The following TMEM120B variants were observed in gnomAD, a reference collection of about 807,000 sequenced individuals.
TMEM120B encodes transmembrane protein 120B.
In TMEM120B, 31 loss-of-function variants were observed where a neutral mutation model predicts 55.5. That is an observed-to-expected ratio of 0.56 (90% confidence interval 0.42 to 0.75). The LOEUF (loss-of-function observed/expected upper bound fraction) is 0.75. TMEM120B is among the 30% of genes least tolerant of loss of function. The pLI, the probability that TMEM120B is intolerant of heterozygous loss-of-function variation, is 0.00. For missense variants in TMEM120B, 399 were observed against 425.5 expected (o/e 0.94, Z 0.55); for synonymous variants, 203 against 176.3 (o/e 1.15, Z -1.20).
rs887686504 is a variant in TMEM120B at position 121,779,173 on chromosome 12, A to T, written c.*3451A>T. 1 of 341,166 alleles carries T rather than the reference A, an allele frequency of 2.9e-6. No homozygotes were observed. Among genetic ancestry groups the T allele is most frequent in the African/African-American group, 2.1e-5 (1 of 48,486 alleles). 21.1% of individuals were successfully genotyped at this position (341,166 alleles called of 1,614,324 possible). A position where few individuals can be genotyped will look rare whatever the true frequency, so the allele number is the denominator to read the frequency against. On this transcript the variant is annotated 3_prime_UTR_variant, in exon 12 of 12. Transcript: ENST00000449592. ...TCTACGTTTACCCACTACCAGATAG[A>T]CTTTTTCATTTCAAGCATAACTTGA...
chr12:121,771,938 A>G (rs922982116), intron 8 of TMEM120B, among the ~76,000 whole-genome samples: 3 of 152,114 alleles, frequency 2.0e-5, no homozygotes, highest in African/African-American at 7.2e-5. Flanking sequence ...GGGGGCTTGA[A>G]TGCTTGGGGA....
Position 121,762,311 on chromosome 12 carries a change from C to T in TMEM120B, c.551+573C>T, listed in dbSNP as rs149324636. Among the ~76,000 whole-genome samples the T allele has an allele frequency of 4.2e-3, 630 of 151,776 alleles. 6 individuals carry two copies. The highest frequency in any genetic ancestry group is 0.014 in the African/African-American group (577 of 41,378). On this transcript the variant is annotated intron_variant, in intron 6 of 11. Coordinates refer to ENST00000449592, the MANE Select transcript of TMEM120B (RefSeq NM_001080825.2). ...AAGAGGTGACCCATTGTTCTGCCTT[C>T]AGTTAAGTCTTGATCCAAGTGCTCT...
In TMEM120B at chr12:121,721,843, C is replaced by G. The variant is rs1336775025; in HGVS notation, c.69+8879C>G. Among the ~76,000 whole-genome samples the G allele has an allele frequency of 2.8e-4, 31 of 111,890 alleles. 1 individual carries two copies. The highest frequency in any genetic ancestry group is 1.1e-3 in the African/African-American group (31 of 27,652). The allele number at this position is 111,890 out of a possible 152,430, so 73.4% of individuals were successfully genotyped here. On this transcript the variant is annotated intron_variant, in intron 1 of 11. Coordinates refer to ENST00000449592, the MANE Select transcript of TMEM120B (RefSeq NM_001080825.2). ...TTTTTTTTTGAGACAGCGTCTTGCT[C>G]TGTCGCCCAGGCTGGAGTGCAGTGG...
intron 5 of TMEM120B, among the ~76,000 whole-genome samples, chr12:121,753,819 C>G (rs371717491): frequency 6.6e-6 from 1 of 152,206 alleles, no homozygotes; most frequent in South Asian, 2.1e-4. Context: ...ACAAGGGTGA[C>G]GGCAGTCCCT....
intron 1 of TMEM120B, among the ~76,000 whole-genome samples, chr12:121,715,066 G>T (rs548475909): frequency 5.3e-5 from 8 of 152,112 alleles, no homozygotes; most frequent in Admixed American, 3.3e-4. Flanking sequence ...GGCCCAGCGC[G>T]GCGGCTCATG....
rs1197025479 is a variant in TMEM120B, at chr12:121,778,525, C to T, written c.*2803C>T. On this transcript the variant is annotated 3_prime_UTR_variant, in exon 12 of 12. Coordinates refer to ENST00000449592, the MANE Select transcript of TMEM120B (RefSeq NM_001080825.2). ...CAAAGGAGGCTCAGGGATTAGGTATCTGGCTGTTGGTGACACAGGTGGTCT... is the reference window on the plus strand; with the variant it reads ...CAAAGGAGGCTCAGGGATTAGGTATTTGGCTGTTGGTGACACAGGTGGTCT... 1 of 151,776 alleles carries T rather than the reference C, an allele frequency of 6.6e-6. No homozygotes were observed. The highest frequency in any genetic ancestry group is 1.5e-5 in the Non-Finnish European group (1 of 68,046). The allele number at this position is 151,776 out of a possible 1,614,324, so 9.4% of individuals were successfully genotyped here. A position where few individuals can be genotyped will look rare whatever the true frequency, so the allele number is the denominator to read the frequency against.
chr12:121,737,397 C>T (rs1470499902), intron 1 of TMEM120B, among the ~76,000 whole-genome samples: 1 of 151,946 alleles, frequency 6.6e-6, no homozygotes, highest in Non-Finnish European at 1.5e-5. Flanking sequence ...CTCAGCTACT[C>T]GGGAGGCTGA....
At chr12:121,771,460 C>G in intron 7 of TMEM120B, 28 bp from the exon 8 acceptor site, 1 of 1,601,988 alleles carries the variant, frequency 6.2e-7, no homozygotes, top group East Asian at 2.2e-5. Context: ...GTGGGCCCCA[C>G]CTTTGTTTTT....
chr12:121,753,342 G>A (rs1403871402), intron 5 of TMEM120B, among the ~76,000 whole-genome samples: 1 of 152,116 alleles, frequency 6.6e-6, no homozygotes, highest in African/African-American at 2.4e-5. Context: ...CTGGGTACAA[G>A]GTTTTTTTTT....
At chr12:121,763,868 C>T (rs1443557305) in intron 6 of TMEM120B, among the ~76,000 whole-genome samples, 1 of 152,324 alleles carries the variant, frequency 6.6e-6, no homozygotes, top group East Asian at 1.9e-4. Flanking sequence ...TAATGTGCCA[C>T]CTTCCCACTT....
At chr12:121,750,556 CCCACACCTCAAACCCACACCCACACT>C in intron 4 of TMEM120B, 117 bp downstream of exon 4, 1 of 754,442 alleles carries the variant, frequency 1.3e-6, no homozygotes, top group South Asian at 1.6e-5. Context: ...ACACCAACAC[CCCACACCTCAAACCCACACCCACACT>C]CCACACCAAC....
intron 1 of TMEM120B, among the ~76,000 whole-genome samples, chr12:121,740,214 G>A (rs1359324226): frequency 6.6e-6 from 1 of 152,128 alleles, no homozygotes; most frequent in Non-Finnish European, 1.5e-5. Context: ...GCCTGGCACG[G>A]TGGCTCATGC....
chr12:121,775,449 C>A lies in TMEM120B; in HGVS notation c.907-160C>A, dbSNP rs897037140. On this transcript the variant is annotated intron_variant, in intron 11 of 11. Coordinates refer to ENST00000449592, the MANE Select transcript of TMEM120B (RefSeq NM_001080825.2). This position sits in a 1 kb window ranked among gnomAD's most constrained non-coding sequence, Gnocchi z 4.3. ...TCCCAGGCCCTGCCCAAGCCTGAGGCCTCACCCTTCCCCCAGGTCTCCTGA... is the reference window on the plus strand; with the variant it reads ...TCCCAGGCCCTGCCCAAGCCTGAGGACTCACCCTTCCCCCAGGTCTCCTGA... 3.0e-6 allele frequency: 3 copies of A among 985,188 alleles called. No homozygotes were observed. The highest frequency in any genetic ancestry group is 3.6e-6 in the Non-Finnish European group (3 of 829,902). 61.0% of individuals were successfully genotyped at this position (985,188 alleles called of 1,614,324 possible).
Position 121,756,679 on chromosome 12 carries a change from G to A in TMEM120B, c.461+4456G>A, listed in dbSNP as rs1283078090. ...ATTTCACCAACTGTAAGGGCCCTGG[G>A]GGCAAAATGAAAGGAGGATGCAACT... On this transcript the variant is annotated intron_variant, in intron 5 of 11. Coordinates refer to ENST00000449592, the MANE Select transcript of TMEM120B (RefSeq NM_001080825.2). 5.3e-5 allele frequency among the ~76,000 whole-genome samples: 8 copies of A among 152,312 alleles called. 1 individual carries two copies. The South Asian group carries it at 8.3e-4, about 16-fold the overall frequency.
rs549411303 is a variant in TMEM120B at position 121,733,481 on chromosome 12, T to G, written c.70-10148T>G. On this transcript the variant is annotated intron_variant, in intron 1 of 11. Coordinates refer to ENST00000449592, the MANE Select transcript of TMEM120B (RefSeq NM_001080825.2). ...GGATGGGTTTGATCTCCTGACCTCATGATCCGCCCGCCTCGGCCTCCCAAA... is the reference window on the plus strand; with the variant it reads ...GGATGGGTTTGATCTCCTGACCTCAGGATCCGCCCGCCTCGGCCTCCCAAA... Among the ~76,000 whole-genome samples, 17 of 151,516 alleles carry G rather than the reference T, an allele frequency of 1.1e-4. No individual in the cohort carries two copies. The South Asian group carries it at 3.5e-3, about 32-fold the overall frequency.
At chr12:121,766,499 C>T (rs1873855389) in intron 6 of TMEM120B, among the ~76,000 whole-genome samples, 1 of 152,204 alleles carries the variant, frequency 6.6e-6, no homozygotes, top group Non-Finnish European at 1.5e-5. Flanking sequence ...GCAGGCCTCC[C>T]ACCAGCAGTA....
At position 121,721,723 on chromosome 12, in the gene TMEM120B, C is replaced by T. The variant is rs564657602; in HGVS notation, c.69+8759C>T. 6.6e-5 allele frequency among the ~76,000 whole-genome samples: 10 copies of T among 151,814 alleles called. No individual in the cohort carries two copies. The South Asian group carries it at 1.2e-3, about 19-fold the overall frequency. On this transcript the variant is annotated intron_variant, in intron 1 of 11. Coordinates refer to ENST00000449592, the MANE Select transcript of TMEM120B (RefSeq NM_001080825.2). ...AACCTCGTGATCCGCCCACTCCAGC[C>T]TCCCAAAGTGCTGGGATTACAGGCA...
intron 1 of TMEM120B, among the ~76,000 whole-genome samples, chr12:121,720,829 G>T (rs753669398): frequency 9.2e-5 from 14 of 152,290 alleles, no homozygotes; most frequent in Middle Eastern, 3.4e-3. Flanking sequence ...ACTGCCCAGC[G>T]ACTTCTGATG....
At chr12:121,737,356 T>C (rs1872778484) in intron 1 of TMEM120B, among the ~76,000 whole-genome samples, 1 of 151,962 alleles carries the variant, frequency 6.6e-6, no homozygotes. Context: ...AATACAAAAA[T>C]TAGCTGGGTG....
Sources: gnomAD v4.1 joint callset for allele counts (sites outside exome capture counted in the v4.1 genomes callset) on GRCh38, gnomAD v4.1.1 for gene constraint, Gnocchi (gnomAD v3.1) non-coding constraint, MANE v1.5 for transcripts, NCBI Gene and HGNC (gene_info 2026-07-23, HGNC 2026-07-21) for gene names.